The following PTPRD variants were observed in gnomAD, a reference collection of about 807,000 sequenced individuals.
PTPRD encodes protein tyrosine phosphatase receptor type D.
PTPRD carries 34 observed loss-of-function variants against 214.5 expected under a neutral mutation model. That is an observed-to-expected ratio of 0.16 (90% confidence interval 0.12 to 0.21). The LOEUF (loss-of-function observed/expected upper bound fraction) is 0.21. Among genes scored for constraint, PTPRD ranks in the 10% least tolerant of loss-of-function variants. The pLI is 1.00. For missense variants in PTPRD, 2,545 were observed against 2,398.7 expected (o/e 1.06, Z -1.27); for synonymous variants, 1,128 against 845.7 (o/e 1.33, Z -5.79).
chr9:8,899,319 A>G (rs1015152574), intron 11 of PTPRD, among the ~76,000 whole-genome samples: 5 of 152,188 alleles, frequency 3.3e-5, no homozygotes, highest in African/African-American at 9.6e-5. Flanking sequence ...TGAGTTGAAC[A>G]TAATGGACTC....
At chr9:9,400,589 T>C (rs2069965933) in intron 8 of PTPRD, among the ~76,000 whole-genome samples, 1 of 152,042 alleles carries the variant, frequency 6.6e-6, no homozygotes, top group African/African-American at 2.4e-5. Flanking sequence ...CCCCACCCCC[T>C]ACAGAATTTT....
chr9:10,132,790 A>T (rs2098906854), intron 3 of PTPRD, among the ~76,000 whole-genome samples: 2 of 152,268 alleles, frequency 1.3e-5, no homozygotes, highest in Non-Finnish European at 1.5e-5. Flanking sequence ...ATCTGCACAT[A>T]CAAGTGATAT....
At chr9:9,325,731 T>G (rs921396732) in intron 9 of PTPRD, among the ~76,000 whole-genome samples, 1 of 152,130 alleles carries the variant, frequency 6.6e-6, no homozygotes, top group African/African-American at 2.4e-5. Flanking sequence ...AACACTATGT[T>G]GAATAGGAGT....
intron 3 of PTPRD, among the ~76,000 whole-genome samples, chr9:10,186,287 A>T (rs2099329876): frequency 6.6e-6 from 1 of 152,102 alleles, no homozygotes; most frequent in African/African-American, 2.4e-5. Context: ...CATAATTTGT[A>T]AATTTAAATT....
chr9:9,022,356 C>T (rs1041520819), intron 10 of PTPRD, among the ~76,000 whole-genome samples: 1 of 152,082 alleles, frequency 6.6e-6, no homozygotes, highest in South Asian at 2.1e-4. Flanking sequence ...GTCCTGAAAG[C>T]TCCATTCATT....
chr9:9,073,104 G>T (rs897381712), intron 10 of PTPRD, among the ~76,000 whole-genome samples: 5 of 152,180 alleles, frequency 3.3e-5, no homozygotes, highest in Non-Finnish European at 5.9e-5. Context: ...AAAGAAAGAC[G>T]AGAGAATGTT....
chr9:8,557,866 G>A (rs941530319), intron 14 of PTPRD, among the ~76,000 whole-genome samples: 1 of 147,246 alleles, frequency 6.8e-6, no homozygotes, highest in African/African-American at 2.5e-5. Flanking sequence ...AAATTTGTAG[G>A]TATACATATC....
chr9:9,313,043 C>A (rs140153039), intron 9 of PTPRD, among the ~76,000 whole-genome samples: 1 of 152,106 alleles, frequency 6.6e-6, no homozygotes, highest in Non-Finnish European at 1.5e-5. Flanking sequence ...ATATAGCTCA[C>A]ATTTATTTCA....
chr9:9,169,463 T>C (rs2099910414), intron 10 of PTPRD, among the ~76,000 whole-genome samples: 1 of 152,158 alleles, frequency 6.6e-6, no homozygotes, highest in Admixed American at 6.6e-5. Context: ...TTTGCAATGC[T>C]AAAGTTAGGA....
At chr9:9,551,101 G>A (rs963277469) in intron 8 of PTPRD, among the ~76,000 whole-genome samples, 1 of 151,828 alleles carries the variant, frequency 6.6e-6, no homozygotes, top group Non-Finnish European at 1.5e-5. Context: ...ATAATTTAAT[G>A]TATATTCTTG....
intron 10 of PTPRD, among the ~76,000 whole-genome samples, chr9:9,053,015 A>C (rs1341061506): frequency 1.3e-5 from 2 of 152,198 alleles, no homozygotes; most frequent in Non-Finnish European, 2.9e-5. Flanking sequence ...TAGATGGTGA[A>C]TGACAATTTC....
intron 2 of PTPRD, among the ~76,000 whole-genome samples, chr9:10,559,365 A>C (rs2063335131): frequency 6.6e-6 from 1 of 152,114 alleles, no homozygotes; most frequent in Admixed American, 6.6e-5. Flanking sequence ...ATTTAACTAA[A>C]ATTAAAATTT....
chr9:9,719,818 C>G (rs570497329), intron 7 of PTPRD, among the ~76,000 whole-genome samples: 1 of 152,176 alleles, frequency 6.6e-6, no homozygotes, highest in East Asian at 1.9e-4. Context: ...TCCCCTCATC[C>G]GGACATTGGT....
chr9:9,027,439 T>G (rs1242240097), intron 10 of PTPRD, among the ~76,000 whole-genome samples: 1 of 152,016 alleles, frequency 6.6e-6, no homozygotes, highest in East Asian at 1.9e-4. Flanking sequence ...TGATTGAGTT[T>G]AAGAATCTTT....
At chr9:10,014,798 A>G (rs1041573837) in intron 4 of PTPRD, among the ~76,000 whole-genome samples, 1 of 152,016 alleles carries the variant, frequency 6.6e-6, no homozygotes, top group Non-Finnish European at 1.5e-5. Context: ...GCAACAAAAG[A>G]CCTTTGATGT....
chr9:8,988,181 C>T (rs1377880188), intron 11 of PTPRD, among the ~76,000 whole-genome samples: 2 of 151,898 alleles, frequency 1.3e-5, no homozygotes, highest in East Asian at 1.9e-4. Flanking sequence ...AAGATAGTAC[C>T]CACACCCTCC....
chr9:10,312,207 A>G (rs1291637096), intron 3 of PTPRD, among the ~76,000 whole-genome samples: 3 of 152,098 alleles, frequency 2.0e-5, no homozygotes, highest in East Asian at 3.9e-4. Context: ...CTGATTTTTC[A>G]TTACATACTC....
chr9:10,527,064 T>A (rs1333270908), intron 2 of PTPRD, among the ~76,000 whole-genome samples: 1 of 152,110 alleles, frequency 6.6e-6, no homozygotes, highest in East Asian at 1.9e-4. Context: ...TTAAGATAGC[T>A]CTCACCAACT....
At chr9:10,170,636 G>A (rs1017707602) in intron 3 of PTPRD, among the ~76,000 whole-genome samples, 3 of 152,102 alleles carry the variant, frequency 2.0e-5, no homozygotes, top group Non-Finnish European at 2.9e-5. Flanking sequence ...GCAGTGAGTC[G>A]AGATCGCACC....
Sources: gnomAD v4.1 joint callset for allele counts (sites outside exome capture counted in the v4.1 genomes callset) on GRCh38, gnomAD v4.1.1 for gene constraint, MANE v1.5 for transcripts, NCBI Gene and HGNC (gene_info 2026-07-23, HGNC 2026-07-21) for gene names.